DNAH14: variants seen among roughly 807,000 people sequenced by gnomAD.
DNAH14 encodes the protein dynein axonemal heavy chain 14.
In DNAH14, 478 loss-of-function variants were observed where a neutral mutation model predicts 520.9. That is an observed-to-expected ratio of 0.92 (90% CI 0.85 to 0.99). DNAH14 has a LOEUF of 0.99. Ranked by LOEUF, DNAH14 falls within the 50% of genes least tolerant of loss-of-function variation. DNAH14 has a pLI of 0.00. For missense variants in DNAH14, 4,831 were observed against 5,234.5 expected (o/e 0.92, Z 2.38); for synonymous variants, 1,581 against 1,757.2 (o/e 0.90, Z 2.51).
chr1:225,097,054 G>A, intron 21 of DNAH14, 64 bp from the exon 22 acceptor site: 1 of 1,351,466 alleles, frequency 7.4e-7, no homozygotes, highest in Non-Finnish European at 9.9e-7. Flanking sequence ...TTTCTGTTAT[G>A]TAACTCTTAA....
At chr1:225,233,821 T>C in intron 42 of DNAH14, among the ~76,000 whole-genome samples, 1 of 152,240 alleles carries the variant, frequency 6.6e-6, no homozygotes, top group East Asian at 1.9e-4. Flanking sequence ...TTTGCTTTAG[T>C]TGCAATTGCG....
At chr1:225,009,669 G>A (rs2064529394) in intron 10 of DNAH14, among the ~76,000 whole-genome samples, 1 of 152,112 alleles carries the variant, frequency 6.6e-6, no homozygotes, top group Admixed American at 6.5e-5. Context: ...GATGGGAATA[G>A]CATTGAATCT....
At chr1:225,258,558 A>T (rs988189644) in intron 45 of DNAH14, among the ~76,000 whole-genome samples, 18 of 152,174 alleles carry the variant, frequency 1.2e-4, no homozygotes, top group Admixed American at 6.5e-4. Context: ...ATTTCAACCC[A>T]TCAGTTACCT....
rs2094618380 is a variant in DNAH14 at position 225,324,649 on chromosome 1, C to T, written c.9628-88C>T. On this transcript the variant is annotated intron_variant, in intron 63 of 85. Transcript: ENST00000682510. ...AGGAAAGTTTAATTGTAACAATTGA[C>T]TCTGTAAATGTCTTTCAAATATAAA... 6.7e-6 allele frequency: 8 copies of T among 1,199,620 alleles called. No individual in the cohort carries two copies. The South Asian group carries it at 1.0e-4, about 15-fold the overall frequency. The allele number at this position is 1,199,620 out of a possible 1,614,324, so 74.3% of individuals were successfully genotyped here. A position where few individuals can be genotyped will look rare whatever the true frequency, so the allele number is the denominator to read the frequency against.
At chr1:224,939,492 A>C (rs1029357809) in intron 1 of DNAH14, among the ~76,000 whole-genome samples, 2 of 152,078 alleles carry the variant, frequency 1.3e-5, no homozygotes, top group African/African-American at 4.8e-5. Context: ...AACATGGTGA[A>C]ACCCTGTTTC....
At position 225,307,521 on chromosome 1, in the gene DNAH14, G is replaced by T. The variant is rs1344695262; in HGVS notation, c.9066G>T (p.Met3022Ile). Residue 3022 changes from methionine to isoleucine, a missense_variant, in exon 59 of 86, where the codon ATG becomes ATT. By Grantham distance (10) the Met-to-Ile change is conservative. Coordinates refer to ENST00000682510, the MANE Select transcript of DNAH14 (RefSeq NM_001367479.1). The part of the protein sequence containing the change: ...ILEATTLVTE[M>I]QEELLILGPQ... ...AAGCAACCACTCTAGTTACAGAAAT[G>T]CAAGAAGAGCTCTTGATTCTTGGCC... 4 of 1,547,388 alleles carry T rather than the reference G, an allele frequency of 2.6e-6. No individual in the cohort carries two copies. The highest frequency in any genetic ancestry group is 3.5e-6 in the Non-Finnish European group (4 of 1,145,798).
chr1:225,309,367 G>C (rs1233646470), intron 60 of DNAH14, among the ~76,000 whole-genome samples: 1 of 152,120 alleles, frequency 6.6e-6, no homozygotes. Flanking sequence ...CATGTTTTAG[G>C]AGCTGACATT....
At chr1:225,339,861 C>T (rs6701436) in intron 68 of DNAH14, among the ~76,000 whole-genome samples, 73,494 of 151,976 alleles carry the variant, frequency 0.48, 18,423 homozygotes, top group African/African-American at 0.62. Flanking sequence ...CCCTGCTCCA[C>T]GCCACCATCA....
At chr1:225,292,653 C>A (rs1574566946) in intron 55 of DNAH14, among the ~76,000 whole-genome samples, 1 of 151,882 alleles carries the variant, frequency 6.6e-6, no homozygotes, top group East Asian at 1.9e-4. Context: ...TAGCATTTTT[C>A]AGAGATTGCA....
intron 81 of DNAH14, among the ~76,000 whole-genome samples, chr1:225,382,830 A>G (rs112606921): frequency 6.6e-6 from 1 of 152,216 alleles, no homozygotes; most frequent in Non-Finnish European, 1.5e-5. Flanking sequence ...TGGATAAAAT[A>G]TGGTATGTCC....
intron 17 of DNAH14, among the ~76,000 whole-genome samples, chr1:225,062,781 G>A (rs1284611262): frequency 6.6e-6 from 1 of 152,106 alleles, no homozygotes; most frequent in African/African-American, 2.4e-5. Context: ...ATCCCTAAAG[G>A]AAAGTCCATT....
intron 46 of DNAH14, among the ~76,000 whole-genome samples, chr1:225,263,639 TAC>T (rs1328338674): frequency 6.6e-6 from 1 of 152,074 alleles, no homozygotes; most frequent in Non-Finnish European, 1.5e-5. Flanking sequence ...AGAATCCTAC[TAC>T]ACTTAAATAA....
chr1:225,288,593 T>A (rs1443521483), intron 54 of DNAH14, among the ~76,000 whole-genome samples: 1 of 152,160 alleles, frequency 6.6e-6, no homozygotes, highest in Admixed American at 6.6e-5. Flanking sequence ...CATACTATCT[T>A]GGCAATTTTT....
At chr1:225,216,959 C>T (rs560150701) in intron 41 of DNAH14, among the ~76,000 whole-genome samples, 2 of 152,300 alleles carry the variant, frequency 1.3e-5, no homozygotes, top group South Asian at 2.1e-4. Flanking sequence ...AGCTTCATTC[C>T]TTTGGAGGAG....
chr1:225,170,184 G>A (rs532860842), intron 36 of DNAH14, among the ~76,000 whole-genome samples: 4 of 152,218 alleles, frequency 2.6e-5, no homozygotes, highest in Admixed American at 6.5e-5. Context: ...TGCAAAGACC[G>A]TTGAGGCTAG....
chr1:224,943,235 G>T (rs373718141), intron 1 of DNAH14, among the ~76,000 whole-genome samples: 2 of 152,086 alleles, frequency 1.3e-5, no homozygotes, highest in African/African-American at 4.8e-5. Context: ...GTCTTGGGAG[G>T]GTGTATGTGT....
chr1:225,226,831 T>A (rs2090582509), intron 41 of DNAH14, among the ~76,000 whole-genome samples: 1 of 152,010 alleles, frequency 6.6e-6, no homozygotes. Context: ...AACTATAGGG[T>A]CATGGTGGGG....
In DNAH14 at chr1:225,340,470, A is replaced by G. The variant is rs1333469556; in HGVS notation, c.10447A>G (p.Thr3483Ala). 3.9e-6 allele frequency: 6 copies of G among 1,550,332 alleles called. No homozygotes were observed. In the Admixed American group the frequency reaches 5.9e-5, roughly 15 times the overall value. The change falls in exon 69 of 86, where the codon ACA becomes GCA. Residue 3483 changes from threonine to alanine, a missense_variant. Coordinates refer to ENST00000682510, the MANE Select transcript of DNAH14 (RefSeq NM_001367479.1). ...TCTCATGTTCAGGTTATACTTATCTACAGAAATAGACAACCCCCATTTTCT... is the reference window on the plus strand; with the variant it reads ...TCTCATGTTCAGGTTATACTTATCTGCAGAAATAGACAACCCCCATTTTCT... ...YNSNFRLYLSTEIDNPHFLPS... is the reference protein window; with the variant it reads ...YNSNFRLYLSAEIDNPHFLPS...
intron 17 of DNAH14, among the ~76,000 whole-genome samples, chr1:225,066,221 GCTTATAA>G (rs59401381): frequency 0.01 from 1,552 of 151,886 alleles, 32 homozygotes; most frequent in African/African-American, 0.035. Flanking sequence ...TATTTGAGTT[GCTTATAA>G]ATTATCCCCT....
Sources: allele counts gnomAD v4.1 joint callset (sites outside exome capture counted in the v4.1 genomes callset), GRCh38; gene constraint gnomAD v4.1.1; transcripts MANE v1.5; gene names NCBI Gene and HGNC (gene_info 2026-07-23, HGNC 2026-07-21).